TAF1: variants seen among roughly 807,000 people sequenced by gnomAD.
The protein encoded by TAF1 is transcription initiation factor TFIID subunit 1.
A neutral mutation model predicts 138.5 loss-of-function variants in TAF1; 2 were observed. The ratio of observed to expected loss-of-function variants is 0.01; its 90% CI spans 0.01 to 0.05. The LOEUF is 0.05. TAF1 is among the 10% of genes least tolerant of loss of function. The pLI, the probability that TAF1 is intolerant of heterozygous loss-of-function variation, is 1.00. For synonymous variants in TAF1, 437 were observed against 503.2 expected (o/e 0.87, Z 1.76); for missense variants, 709 against 1,478.0 (o/e 0.48, Z 8.53).
At chrX:71,476,716 T>C (rs1336443971) in intron 13 of TAF1, among the ~76,000 whole-genome samples, 1 of 109,320 alleles carries the variant, frequency 9.1e-6, no homozygotes, top group Non-Finnish European at 1.9e-5. Flanking sequence ...GGCACAGGAA[T>C]AGGCAAATGT....
At chrX:71,441,277 T>G (rs963998395) in intron 32 of TAF1, among the ~76,000 whole-genome samples, 1 of 110,565 alleles carries the variant, frequency 9.0e-6, no homozygotes, top group African/African-American at 3.3e-5. Context: ...AGTGCAAATT[T>G]TATTAGACTA....
intron 4 of TAF1, among the ~76,000 whole-genome samples, chrX:71,375,575 C>T (rs925138176): frequency 9.0e-6 from 1 of 111,331 alleles, no homozygotes; most frequent in African/African-American, 3.2e-5. Context: ...AAATACCTGA[C>T]TTTCACCCCT....
intron 32 of TAF1, among the ~76,000 whole-genome samples, chrX:71,453,556 A>G (rs991744333): frequency 2.7e-5 from 3 of 110,620 alleles, no homozygotes; most frequent in African/African-American, 9.9e-5. Flanking sequence ...CCAGAGTGTT[A>G]TATTAATTGT....
At chrX:71,444,303 C>T (rs988003748) in intron 32 of TAF1, among the ~76,000 whole-genome samples, 3 of 112,133 alleles carry the variant, frequency 2.7e-5, no homozygotes, top group Non-Finnish European at 5.6e-5. Flanking sequence ...CCACCTCGCT[C>T]GGCCTGTTTT....
chrX:71,372,373 A>G (rs2033121684), intron 3 of TAF1, among the ~76,000 whole-genome samples: 1 of 98,617 alleles, frequency 1.0e-5, no homozygotes, highest in African/African-American at 3.8e-5. Flanking sequence ...CAGAGGTTGC[A>G]GTGAGCTGAG....
chrX:71,403,203 A>AT (rs1298425852), intron 25 of TAF1, among the ~76,000 whole-genome samples: 1 of 109,530 alleles, frequency 9.1e-6, no homozygotes, highest in African/African-American at 3.3e-5. Context: ...TAATTTTTGT[A>AT]TTTTTTGTAG....
chrX:71,386,358 G>A (rs5981109), intron 14 of TAF1, among the ~76,000 whole-genome samples: 8,772 of 111,068 alleles, frequency 0.079, 758 homozygotes, highest in African/African-American at 0.26. Flanking sequence ...TACTTAAACT[G>A]GCTCAAATGT....
intron 32 of TAF1, among the ~76,000 whole-genome samples, chrX:71,431,343 G>A (rs1211994429): frequency 9.1e-6 from 1 of 110,358 alleles, no homozygotes; most frequent in Non-Finnish European, 1.9e-5. Context: ...GATTATAGGC[G>A]TGAGCTTTTG....
At chrX:71,391,689 T>C (rs1160694964) in intron 18 of TAF1, among the ~76,000 whole-genome samples, 1 of 103,283 alleles carries the variant, frequency 9.7e-6, no homozygotes, top group African/African-American at 3.6e-5. Context: ...AGTGCAGTGG[T>C]GCAGTCTGCT....
At chrX:71,439,437 CAGGT>C (rs771552103) in intron 32 of TAF1, among the ~76,000 whole-genome samples, 19 of 111,641 alleles carry the variant, frequency 1.7e-4, no homozygotes, top group Admixed American at 4.8e-4. Context: ...ACATTTCTGT[CAGGT>C]AGACCTTTTA....
intron 32 of TAF1, among the ~76,000 whole-genome samples, chrX:71,427,653 A>G (rs760899545): frequency 7.1e-5 from 8 of 112,099 alleles, no homozygotes; most frequent in Admixed American, 3.8e-4. Flanking sequence ...AAGAAATGCA[A>G]TTGGGCCAGG....
chrX:71,417,429 G>A (rs756280957), intron 28 of TAF1, among the ~76,000 whole-genome samples: 6 of 111,011 alleles, frequency 5.4e-5, no homozygotes, highest in Non-Finnish European at 9.5e-5. Flanking sequence ...TAATCACAGC[G>A]TAATGCAGTC....
At chrX:71,388,613 G>A (rs1390024603) in intron 16 of TAF1, 125 bp from the exon 17 acceptor site, 12 of 988,093 alleles carry the variant, frequency 1.2e-5, no homozygotes, top group Non-Finnish European at 1.7e-5. Context: ...GGTTTTCTTG[G>A]CCAGTCATGC....
chrX:71,494,651 A>C (rs934501087), intron 13 of TAF1, among the ~76,000 whole-genome samples: 3 of 111,564 alleles, frequency 2.7e-5, no homozygotes, highest in African/African-American at 9.8e-5. Context: ...TTGTGACTGC[A>C]TAGTATTGTG....
At chrX:71,367,360 C>T (rs2032626653) in intron 1 of TAF1, 139 bp from the exon 2 acceptor site, 2 of 677,971 alleles carry the variant, frequency 2.9e-6, no homozygotes, top group Non-Finnish European at 4.6e-6. Context: ...AGTTCTCGAA[C>T]GTGTTGCTTG....
rs28382210 is a variant in TAF1, at chrX:71,460,592, C to T, written c.5222-34C>T. 1,064 of 1,199,856 alleles carry T rather than the reference C, an allele frequency of 8.9e-4. 7 individuals are homozygous for T. In the African/African-American group the frequency reaches 0.017, roughly 20 times the overall value. ...ATCAAGTTAAATCTGTCAAGCTTAA[C>T]TCTTGATGACCCAGAATCTGTCTCT... On this transcript the variant is annotated intron_variant, in intron 36 of 37. Transcript: ENST00000423759.
chrX:71,448,017 A>G (rs757563608), intron 32 of TAF1, among the ~76,000 whole-genome samples: 16 of 112,130 alleles, frequency 1.4e-4, no homozygotes, highest in Non-Finnish European at 2.4e-4. Flanking sequence ...GAAGAGAAAA[A>G]GCAAAATATA....
chrX:71,481,045 G>A (rs978884703), intron 13 of TAF1, among the ~76,000 whole-genome samples: 2 of 112,423 alleles, frequency 1.8e-5, no homozygotes, highest in African/African-American at 6.5e-5. Context: ...TTGGGAGGCC[G>A]AGGCGGGCGG....
intron 16 of TAF1, 147 bp from the exon 17 acceptor site, chrX:71,388,591 C>T (rs2034378912): frequency 2.1e-6 from 2 of 943,111 alleles, no homozygotes; most frequent in Non-Finnish European, 2.9e-6. Context: ...TTGTAGGAAA[C>T]TTAGCAGCTG....
Sources: allele counts gnomAD v4.1 joint callset (sites outside exome capture counted in the v4.1 genomes callset), GRCh38; gene constraint gnomAD v4.1.1; transcripts MANE v1.5; gene names NCBI Gene and HGNC (gene_info 2026-07-23, HGNC 2026-07-21).